Variants in HACD3 observed in about 807,000 individuals in gnomAD.
HACD3 encodes very-long-chain (3R)-3-hydroxyacyl-CoA dehydratase 3.
A neutral mutation model predicts 55.2 loss-of-function variants in HACD3; 30 were observed. The observed-to-expected ratio is 0.54, with a 90% CI of 0.41 to 0.74. The LOEUF (loss-of-function observed/expected upper bound fraction) is 0.74. Among genes scored for constraint, HACD3 ranks in the 30% least tolerant of loss-of-function variants. HACD3 has a pLI of 0.00. For synonymous variants in HACD3, 141 were observed against 151.7 expected (o/e 0.93, Z 0.52); for missense variants, 363 against 440.1 (o/e 0.82, Z 1.57).
At position 65,577,281 on chromosome 15, in the gene HACD3, C is replaced by A. The variant is rs1448186470; in HGVS notation, c.*902C>A. 1.3e-5 allele frequency: 2 copies of A among 152,066 alleles called. No individual in the cohort carries two copies. Among genetic ancestry groups the A allele is most frequent in the African/African-American group, 4.8e-5 (2 of 41,390 alleles). 9.4% of individuals were successfully genotyped at this position (152,066 alleles called of 1,614,324 possible). A position where few individuals can be genotyped will look rare whatever the true frequency, so the allele number is the denominator to read the frequency against. On this transcript the variant is annotated 3_prime_UTR_variant, in exon 11 of 11. Coordinates refer to ENST00000261875, the MANE Select transcript of HACD3 (RefSeq NM_016395.4). ...TCTCTACAAAAAATAAAAAAATTAG[C>A]TGGGTGTGATGGCACACACCTGTTG...
At chr15:65,537,620 G>T (rs953149451) in intron 1 of HACD3, among the ~76,000 whole-genome samples, 1 of 150,742 alleles carries the variant, frequency 6.6e-6, no homozygotes, top group African/African-American at 2.4e-5. Flanking sequence ...GCGAAACCCC[G>T]TCTCTACTAA....
Position 65,541,237 on chromosome 15 carries a change from A to G in HACD3, c.88-10439A>G, listed in dbSNP as rs929886561. Among the ~76,000 whole-genome samples the G allele has an allele frequency of 2.6e-5, 4 of 152,290 alleles. No individual in the cohort carries two copies. The East Asian group carries it at 7.7e-4, about 29-fold the overall frequency. ...TTTTATAGTATCTTAGACTTAATTG[A>G]TTGTAAAATGCACCACTATTTTATT... On this transcript the variant is annotated intron_variant, in intron 1 of 10. Coordinates refer to ENST00000261875, the MANE Select transcript of HACD3 (RefSeq NM_016395.4).
intron 7 of HACD3, chr15:65,564,626 T>C (rs1022928887): frequency 8.7e-5 from 27 of 308,972 alleles, no homozygotes; most frequent in Non-Finnish European, 1.4e-4. Context: ...GTGAGACTTA[T>C]TCACTATCCT....
At chr15:65,533,344 T>C (rs2071921124) in intron 1 of HACD3, among the ~76,000 whole-genome samples, 1 of 152,108 alleles carries the variant, frequency 6.6e-6, no homozygotes, top group African/African-American at 2.4e-5. Context: ...TAAGAAAATA[T>C]GGGAGTTTCG....
intron 4 of HACD3, 52 bp from the exon 5 acceptor site, chr15:65,558,628 G>A: frequency 6.6e-7 from 1 of 1,524,576 alleles, no homozygotes. Flanking sequence ...ACTTTTGCAA[G>A]CATCTGGGAA....
Position 65,576,956 on chromosome 15 carries a change from C to A in HACD3, c.*577C>A, listed in dbSNP as rs1329342912. ...ATACTTTACATCTGACATCCTTTGG[C>A]CTAACAACATCTATTATTATAGTGC... On this transcript the variant is annotated 3_prime_UTR_variant, in exon 11 of 11. Transcript: ENST00000261875. 6.6e-6 allele frequency: 1 copy of A among 152,574 alleles called. No individual in the cohort carries two copies. Among genetic ancestry groups the A allele is most frequent in the Non-Finnish European group, 1.5e-5 (1 of 68,378 alleles). The allele number at this position is 152,574 out of a possible 1,614,324, so 9.5% of individuals were successfully genotyped here.
In HACD3 at chr15:65,538,714, A is replaced by G. The variant is rs535758770; in HGVS notation, c.87+7996A>G. Among the ~76,000 whole-genome samples, 36 of 152,348 alleles carry G rather than the reference A, an allele frequency of 2.4e-4. No homozygotes were observed. In the East Asian group the frequency reaches 3.9e-3, roughly 16 times the overall value. ...GTATCAAACAGCATTGCATGCTGCA[A>G]AGAAATCTTTAGTGAAGGAAAGACT... On this transcript the variant is annotated intron_variant, in intron 1 of 10. Transcript: ENST00000261875.
In HACD3 at chr15:65,578,301, TGAGA is replaced by T. The variant is rs1206375781; in HGVS notation, c.*1923_*1926del. 2.0e-5 allele frequency: 3 copies of T among 152,324 alleles called. No homozygotes were observed. The East Asian group carries it at 5.8e-4, about 29-fold the overall frequency. 9.4% of individuals were successfully genotyped at this position (152,324 alleles called of 1,614,324 possible). On this transcript the variant is annotated 3_prime_UTR_variant, in exon 11 of 11. Coordinates refer to ENST00000261875, the MANE Select transcript of HACD3 (RefSeq NM_016395.4). Reference sequence around the variant, plus strand: ...TGTTACAAACCCCTTTATTGCTGTCTGAGAAAGTGAAAGATTGTGTATTTCTATT... The same window carrying T: ...TGTTACAAACCCCTTTATTGCTGTCTAAGTGAAAGATTGTGTATTTCTATT...
chr15:65,548,807 C>G (rs1309761491), intron 1 of HACD3, among the ~76,000 whole-genome samples: 19 of 152,124 alleles, frequency 1.2e-4, no homozygotes, highest in Non-Finnish European at 2.9e-5. Flanking sequence ...CTCAAGTGAT[C>G]TTCCTGCGTA....
intron 1 of HACD3, among the ~76,000 whole-genome samples, chr15:65,547,503 A>G (rs1753732837): frequency 1.3e-5 from 2 of 152,208 alleles, no homozygotes; most frequent in African/African-American, 4.8e-5. Flanking sequence ...AGGAAAGTTG[A>G]TATTCACCAT....
intron 1 of HACD3, among the ~76,000 whole-genome samples, chr15:65,545,552 T>A (rs1160202010): frequency 1.3e-5 from 2 of 151,592 alleles, no homozygotes; most frequent in Non-Finnish European, 2.9e-5. Flanking sequence ...CACGCCATTC[T>A]CCTGCCTCAG....
At chr15:65,568,799 A>G (rs1446457879) in intron 7 of HACD3, among the ~76,000 whole-genome samples, 1 of 152,244 alleles carries the variant, frequency 6.6e-6, no homozygotes, top group African/African-American at 2.4e-5. Flanking sequence ...AGCTAATACC[A>G]CGTTGTATGG....
At chr15:65,542,991 T>C (rs901259442) in intron 1 of HACD3, among the ~76,000 whole-genome samples, 1 of 150,704 alleles carries the variant, frequency 6.6e-6, no homozygotes, top group Non-Finnish European at 1.5e-5. Flanking sequence ...GGAGAATCGC[T>C]TGAACCCAGG....
intron 1 of HACD3, among the ~76,000 whole-genome samples, chr15:65,537,614 A>C (rs1029125923): frequency 6.6e-6 from 1 of 151,306 alleles, no homozygotes; most frequent in African/African-American, 2.4e-5. Flanking sequence ...AACATGGCGA[A>C]ACCCCGTCTC....
At chr15:65,540,160 A>G (rs1181254056) in intron 1 of HACD3, among the ~76,000 whole-genome samples, 1 of 152,216 alleles carries the variant, frequency 6.6e-6, no homozygotes, top group African/African-American at 2.4e-5. Flanking sequence ...GAAATATTTA[A>G]TAATAGAAAT....
At chr15:65,562,635 C>G in intron 5 of HACD3, 139 bp from the exon 6 acceptor site, 2 of 1,166,322 alleles carry the variant, frequency 1.7e-6, no homozygotes, top group Non-Finnish European at 2.3e-6. Flanking sequence ...CTGGTGAGGA[C>G]CTGGACCAGG....
intron 1 of HACD3, chr15:65,531,500 G>A (rs563572595): frequency 6.6e-6 from 1 of 152,360 alleles, no homozygotes; most frequent in African/African-American, 2.4e-5. Flanking sequence ...CCAAACTAAA[G>A]ATTCTGGGCT....
intron 5 of HACD3, among the ~76,000 whole-genome samples, 166 bp downstream of exon 5, chr15:65,558,897 C>A (rs139373532): frequency 6.6e-6 from 1 of 152,180 alleles, no homozygotes; most frequent in Non-Finnish European, 1.5e-5. Context: ...GCACTACCCA[C>A]GTCAGAATCC....
At chr15:65,540,327 A>C (rs1223948682) in intron 1 of HACD3, among the ~76,000 whole-genome samples, 4 of 152,228 alleles carry the variant, frequency 2.6e-5, no homozygotes, top group Non-Finnish European at 5.9e-5. Flanking sequence ...CACTACCTTC[A>C]GATTGAGGGA....
Sources: allele counts gnomAD v4.1 joint callset (sites outside exome capture counted in the v4.1 genomes callset), GRCh38; gene constraint gnomAD v4.1.1; transcripts MANE v1.5; gene names NCBI Gene and HGNC (gene_info 2026-07-23, HGNC 2026-07-21).